COL5A1: variants seen among roughly 807,000 people sequenced by gnomAD.
COL5A1 encodes collagen type V alpha 1 chain.
Under a neutral mutation model 263.7 loss-of-function variants are expected in COL5A1, and 16 were observed. The ratio of observed to expected loss-of-function variants is 0.06; its 90% CI spans 0.04 to 0.09. COL5A1 has a LOEUF of 0.09. Ranked by LOEUF, COL5A1 falls within the 10% of genes least tolerant of loss-of-function variation. The probability of loss-of-function intolerance (pLI) is 1.00; values close to 1 mark genes in which losing one functional copy is unlikely to be tolerated. For synonymous variants in COL5A1, 1,012 were observed against 1,004.5 expected (o/e 1.01, Z -0.14); for missense variants, 2,036 against 2,540.5 (o/e 0.80, Z 4.27).
intron 44 of COL5A1, among the ~76,000 whole-genome samples, chr9:134,811,100 G>A (rs770430161): frequency 6.6e-6 from 1 of 152,136 alleles, no homozygotes; most frequent in African/African-American, 2.4e-5. Flanking sequence ...CGGTGGTCTC[G>A]AGAGACATTG....
At chr9:134,810,499 G>A (rs1838483804) in intron 44 of COL5A1, 191 bp downstream of exon 44, 1 of 599,622 alleles carries the variant, frequency 1.7e-6, no homozygotes, top group South Asian at 2.1e-5. Context: ...CTGGGAGTGA[G>A]TCTCTCTGTG....
intron 65 of COL5A1, among the ~76,000 whole-genome samples, chr9:134,835,918 G>A (rs1330819286): frequency 6.6e-6 from 1 of 152,166 alleles, no homozygotes; most frequent in South Asian, 2.1e-4. Flanking sequence ...GGTGTTTAGG[G>A]TGCAGCTGTG....
intron 1 of COL5A1, among the ~76,000 whole-genome samples, chr9:134,660,641 T>C (rs1287489314): frequency 1.3e-5 from 2 of 152,206 alleles, no homozygotes; most frequent in East Asian, 3.8e-4. Flanking sequence ...CTAGACATTG[T>C]GAAAACCTAG....
intron 25 of COL5A1, among the ~76,000 whole-genome samples, chr9:134,771,616 G>A (rs1588531071): frequency 6.6e-6 from 1 of 152,322 alleles, no homozygotes; most frequent in East Asian, 1.9e-4. Flanking sequence ...TTTAATTGAG[G>A]CAACGAGACT....
At position 134,789,145 on chromosome 9, in the gene COL5A1, T is replaced by C; in HGVS notation, c.2647-10T>C. ...CAGCTCTGATGCCTCCTCCTTAAAC[T>C]CTCTTTCAGGGCTCTATTGGATTCC... On this transcript the variant is annotated splice_polypyrimidine_tract_variant and intron_variant, in intron 31 of 65. Transcript: ENST00000371817. This position sits in a 1 kb window ranked among gnomAD's most constrained non-coding sequence, Gnocchi z 4.8. 1 of 1,612,778 alleles carries C rather than the reference T, an allele frequency of 6.2e-7. No individual in the cohort carries two copies. Among genetic ancestry groups the C allele is most frequent in the Non-Finnish European group, 8.5e-7 (1 of 1,179,736 alleles).
intron 1 of COL5A1, among the ~76,000 whole-genome samples, chr9:134,650,450 A>G (rs1831638601): frequency 6.6e-6 from 1 of 152,156 alleles, no homozygotes; most frequent in South Asian, 2.1e-4. Flanking sequence ...GCATTTATGG[A>G]CCCCTAACAT....
chr9:134,766,570 A>C, intron 22 of COL5A1, 72 bp downstream of exon 22: 2 of 1,483,632 alleles, frequency 1.3e-6, no homozygotes, highest in South Asian at 2.3e-5. Flanking sequence ...CTGGCTAGGG[A>C]GGTCCATCGC....
Position 134,835,173 on chromosome 9 carries a change from C to T in COL5A1, c.5339C>T (p.Pro1780Leu), listed in dbSNP as rs746104317. 6.2e-7 allele frequency: 1 copy of T among 1,613,784 alleles called. No individual in the cohort carries two copies. The highest frequency in any genetic ancestry group is 8.5e-7 in the Non-Finnish European group (1 of 1,180,032). The change falls in exon 65 of 66, where the codon CCC becomes CTC. Residue 1780 changes from proline (P) to leucine (L), a missense_variant. Physicochemically the swap from Pro to Leu is moderately conservative, Grantham distance 98. This residue lies in a region of COL5A1 where 358 missense variants were observed against 384.6 expected (regional missense o/e 0.93). Transcript: ENST00000371817. Reference sequence around the variant, plus strand: ...GAGGAGATGTCCTATGACAACAACCCCTACATCCGCGCCCTGGTGGACGGC... The same window carrying T: ...GAGGAGATGTCCTATGACAACAACCTCTACATCCGCGCCCTGGTGGACGGC... ...NDEEMSYDNN[P>L]YIRALVDGCA...
chr9:134,703,276 C>G (rs1422133507), intron 4 of COL5A1, among the ~76,000 whole-genome samples: 2 of 152,206 alleles, frequency 1.3e-5, no homozygotes, highest in Non-Finnish European at 2.9e-5. Flanking sequence ...CTGAACAGAC[C>G]TGCCTAGGCG....
intron 25 of COL5A1, 112 bp downstream of exon 25, chr9:134,768,575 T>C (rs1836762900): frequency 8.9e-7 from 1 of 1,128,898 alleles, no homozygotes; most frequent in Non-Finnish European, 1.3e-6. Context: ...TGACTCATTC[T>C]GGCTCTGTTG....
intron 1 of COL5A1, among the ~76,000 whole-genome samples, chr9:134,660,335 C>T (rs1008179043): frequency 1.3e-5 from 2 of 152,172 alleles, no homozygotes; most frequent in African/African-American, 4.8e-5. Context: ...TCTGAAGATT[C>T]GCTACCTGGG....
rs571592071 is a variant in COL5A1 at position 134,750,803 on chromosome 9, G to T, written c.1583G>T (p.Gly528Val). 1 of 1,613,356 alleles carries T rather than the reference G, an allele frequency of 6.2e-7. No individual in the cohort carries two copies. Among genetic ancestry groups the T allele is most frequent in the South Asian group, 1.1e-5 (1 of 91,090 alleles). Residue 528 changes from glycine to valine, a missense_variant, in exon 13 of 66, where the codon GGT (glycine) becomes GTT (valine). By Grantham distance (109) the Gly-to-Val change is moderately radical. Coordinates refer to ENST00000371817, the MANE Select transcript of COL5A1 (RefSeq NM_000093.5). ...TTACACTTGCAGTTCCGGTTTGGAG[G>T]TGGCGGCGATGCGGGCTCCAAAGGC... is the stretch of plus-strand genomic sequence containing the variant. ...TMLMLPFRFG[G>V]GGDAGSKGPM...
intron 1 of COL5A1, among the ~76,000 whole-genome samples, chr9:134,660,219 A>G (rs148841989): frequency 1.1e-4 from 17 of 152,348 alleles, no homozygotes; most frequent in African/African-American, 3.4e-4. Context: ...GATGTGTTCT[A>G]TGTGCCATGA....
At chr9:134,697,857 G>A (rs1250091731) in intron 2 of COL5A1, among the ~76,000 whole-genome samples, 1 of 152,196 alleles carries the variant, frequency 6.6e-6, no homozygotes, top group African/African-American at 2.4e-5. Context: ...GCCAAGGCGG[G>A]TGGATCACCT....
chr9:134,669,716 C>G (rs963810962), intron 1 of COL5A1, among the ~76,000 whole-genome samples: 1 of 152,138 alleles, frequency 6.6e-6, no homozygotes, highest in Non-Finnish European at 1.5e-5. Context: ...AGGAGGCAGC[C>G]TACCACGCCG....
chr9:134,780,800 G>A (rs560868447), intron 28 of COL5A1, among the ~76,000 whole-genome samples: 138 of 152,304 alleles, frequency 9.1e-4, no homozygotes, highest in African/African-American at 3.1e-3. Context: ...TTCTCACTGT[G>A]GTGGAAGGAA....
At chr9:134,665,780 C>T (rs774787375) in intron 1 of COL5A1, among the ~76,000 whole-genome samples, 3 of 152,138 alleles carry the variant, frequency 2.0e-5, no homozygotes, top group African/African-American at 4.8e-5. Context: ...TCAATTAAAA[C>T]AACTTGTGGT....
chr9:134,766,961 C>A, intron 22 of COL5A1, 39 bp from the exon 23 acceptor site: 1 of 1,597,348 alleles, frequency 6.3e-7, no homozygotes, highest in East Asian at 2.2e-5. Flanking sequence ...ATACAGTTCC[C>A]AGAGCCCCCT....
At chr9:134,783,951 G>T (rs971739207) in intron 29 of COL5A1, among the ~76,000 whole-genome samples, 1 of 152,188 alleles carries the variant, frequency 6.6e-6, no homozygotes, top group African/African-American at 2.4e-5. Context: ...ACGTGACGAG[G>T]GTGCAGCTTC....
Sources: allele counts gnomAD v4.1 joint callset (sites outside exome capture counted in the v4.1 genomes callset), GRCh38; gene constraint gnomAD v4.1.1; regional missense constraint gnomAD v4.1.1; non-coding constraint Gnocchi (gnomAD v3.1); transcripts MANE v1.5; gene names NCBI Gene and HGNC (gene_info 2026-07-23, HGNC 2026-07-21).